MOSMO: variants seen among roughly 807,000 people sequenced by gnomAD.
MOSMO encodes modulator of smoothened, also known as modulator of smoothened protein.
In MOSMO, 5 loss-of-function variants were observed where a neutral mutation model predicts 18.4. The ratio of observed to expected loss-of-function variants is 0.27; its 90% CI spans 0.14 to 0.57. The LOEUF is 0.57. MOSMO is among the 20% of genes least tolerant of loss of function. The pLI is 0.92. For synonymous variants in MOSMO, 82 were observed against 82.3 expected, an observed-to-expected ratio of 1.00 and a Z score of 0.02; for missense variants, 138 against 211.8, an observed-to-expected ratio of 0.65 and a Z score of 2.16.
rs1304753021 is a variant in MOSMO, at chr16:22,082,244, A to T, written c.*1364A>T. 6.6e-6 allele frequency: 1 copy of T among 152,140 alleles called. No individual in the cohort carries two copies. Among genetic ancestry groups the T allele is most frequent in the Admixed American group, 6.5e-5 (1 of 15,268 alleles). The allele number at this position is 152,140 out of a possible 1,614,324, so 9.4% of individuals were successfully genotyped here. On this transcript the variant is annotated 3_prime_UTR_variant, in exon 3 of 3. Transcript: ENST00000542527. ...ATGCCTTTGTTTGCTAAAAGCTAAT[A>T]TTTTTGCATTTACTTTAAAGGGCTG... is the stretch of plus-strand genomic sequence containing the variant.
intron 1 of MOSMO, among the ~76,000 whole-genome samples, chr16:22,072,891 G>C (rs573759875): frequency 3.3e-5 from 5 of 151,396 alleles, no homozygotes; most frequent in African/African-American, 9.7e-5. Context: ...TTTTCTTCTA[G>C]AATAGAGCTG....
At chr16:22,087,380 A>C (rs1008592160), downstream of MOSMO, 3 of 152,202 alleles carry the variant, frequency 2.0e-5, no homozygotes, top group South Asian at 6.2e-4. Flanking sequence ...GTATTTGGTC[A>C]CTATTAAATC....
chr16:22,074,768 A>C (rs1227673165), intron 1 of MOSMO, among the ~76,000 whole-genome samples: 4 of 152,162 alleles, frequency 2.6e-5, no homozygotes, highest in African/African-American at 9.7e-5. Context: ...TTACCTTCAT[A>C]ATTTGCCTTT....
At chr16:22,011,197 G>A (rs1363582049) in intron 1 of MOSMO, among the ~76,000 whole-genome samples, 1 of 152,138 alleles carries the variant, frequency 6.6e-6, no homozygotes, top group African/African-American at 2.4e-5. Flanking sequence ...TAACCTATCT[G>A]CCCTCTTGAC....
At chr16:22,079,381 A>G (rs181701034) in intron 2 of MOSMO, among the ~76,000 whole-genome samples, 2 of 152,356 alleles carry the variant, frequency 1.3e-5, no homozygotes, top group Admixed American at 1.3e-4. Flanking sequence ...GACAATGAAC[A>G]CTTGAGCAAT....
At chr16:22,021,904 T>G (rs1201420729) in intron 1 of MOSMO, among the ~76,000 whole-genome samples, 2 of 152,188 alleles carry the variant, frequency 1.3e-5, no homozygotes, top group African/African-American at 4.8e-5. Flanking sequence ...GCCTCGGAGC[T>G]ATAGCTTTTT....
At chr16:22,025,820 G>T (rs1305130821) in intron 1 of MOSMO, among the ~76,000 whole-genome samples, 1 of 152,164 alleles carries the variant, frequency 6.6e-6, no homozygotes, top group African/African-American at 2.4e-5. Flanking sequence ...AATGATGCTG[G>T]AGTCATACCA....
intron 1 of MOSMO, among the ~76,000 whole-genome samples, chr16:22,071,030 C>T (rs1567514161): frequency 6.6e-6 from 1 of 152,322 alleles, no homozygotes; most frequent in East Asian, 1.9e-4. Flanking sequence ...AATACAAATG[C>T]TCTTGGGAAA....
chr16:22,012,228 G>A (rs761502345), intron 1 of MOSMO, among the ~76,000 whole-genome samples: 9 of 152,144 alleles, frequency 5.9e-5, no homozygotes, highest in Non-Finnish European at 1.2e-4. Context: ...GAAAACCACG[G>A]CAGTGAACTA....
chr16:22,015,640 T>C (rs988804378), intron 1 of MOSMO, among the ~76,000 whole-genome samples: 3 of 152,232 alleles, frequency 2.0e-5, no homozygotes, highest in African/African-American at 7.2e-5. Flanking sequence ...TCACAGGACA[T>C]GCTTAAAGCT....
intron 1 of MOSMO, among the ~76,000 whole-genome samples, chr16:22,017,699 G>A (rs1899669388): frequency 2.0e-5 from 3 of 152,044 alleles, no homozygotes; most frequent in Admixed American, 2.0e-4. Flanking sequence ...ATAGGTACCT[G>A]GATTAAAACC....
intron 1 of MOSMO, among the ~76,000 whole-genome samples, chr16:22,059,217 A>C (rs904373614): frequency 2.0e-5 from 3 of 152,220 alleles, no homozygotes; most frequent in African/African-American, 7.2e-5. Context: ...AGTTTTGTCT[A>C]GATACAGTAG....
At chr16:22,011,799 T>C (rs1899534759) in intron 1 of MOSMO, among the ~76,000 whole-genome samples, 1 of 152,150 alleles carries the variant, frequency 6.6e-6, no homozygotes, top group Non-Finnish European at 1.5e-5. Context: ...CATGTATTTC[T>C]TACCTTACAT....
intron 1 of MOSMO, among the ~76,000 whole-genome samples, chr16:22,014,297 C>T (rs544276079): frequency 2.0e-5 from 3 of 152,290 alleles, no homozygotes; most frequent in East Asian, 1.9e-4. Context: ...TCCTCTCCCC[C>T]GGTCTCCATT....
intron 1 of MOSMO, among the ~76,000 whole-genome samples, chr16:22,048,830 C>T (rs1900366302): frequency 6.6e-6 from 1 of 151,888 alleles, no homozygotes; most frequent in Non-Finnish European, 1.5e-5. Flanking sequence ...TTATAGTTCT[C>T]TTTTTTATGT....
the MOSMO span, chr16:22,092,570 G>T: frequency 5.2e-6 from 8 of 1,542,412 alleles, no homozygotes; most frequent in Non-Finnish European, 7.0e-6. Context: ...GGAGAAACCA[G>T]AAGTGAGATC....
chr16:22,051,401 T>C (rs1012916586), intron 1 of MOSMO, among the ~76,000 whole-genome samples: 14 of 150,946 alleles, frequency 9.3e-5, no homozygotes, highest in Middle Eastern at 3.5e-3. Context: ...AAAAAAGGAC[T>C]CTACAGAAAA....
chr16:22,049,414 C>T (rs1433187399), intron 1 of MOSMO, among the ~76,000 whole-genome samples: 1 of 152,030 alleles, frequency 6.6e-6, no homozygotes, highest in Admixed American at 6.6e-5. Flanking sequence ...GCTATGTTGC[C>T]CAGGCTGGTG....
downstream of MOSMO, chr16:22,085,151 T>C (rs886674023): frequency 2.0e-5 from 3 of 152,150 alleles, no homozygotes; most frequent in Admixed American, 6.5e-5. Context: ...TAACTATAGC[T>C]CTCTCTGGGG....
Sources: gnomAD v4.1 joint callset for allele counts (sites outside exome capture counted in the v4.1 genomes callset) on GRCh38, gnomAD v4.1.1 for gene constraint, MANE v1.5 for transcripts, NCBI Gene and HGNC (gene_info 2026-07-23, HGNC 2026-07-21) for gene names.